CD48: variants seen among roughly 807,000 people sequenced by gnomAD.
The protein encoded by CD48 is CD48 antigen.
Under a neutral mutation model 22.0 loss-of-function variants are expected in CD48, and 20 were observed. The ratio of observed to expected loss-of-function variants is 0.91; its 90% confidence interval spans 0.64 to 1.32. The LOEUF is 1.32. Ranked by LOEUF, CD48 falls within the 40% of genes most tolerant of loss-of-function variation. The pLI, the probability that CD48 is intolerant of heterozygous loss-of-function variation, is 0.00. For missense variants in CD48, 307 were observed against 286.5 expected, an observed-to-expected ratio of 1.07 and a Z score of -0.52; for synonymous variants, 110 against 110.1, an observed-to-expected ratio of 1.00 and a Z score of 0.01.
At chr1:160,705,693 G>T (rs2102438979) in intron 1 of CD48, among the ~76,000 whole-genome samples, 1 of 152,214 alleles carries the variant, frequency 6.6e-6, no homozygotes, top group South Asian at 2.1e-4. Context: ...TCTGTTAGTT[G>T]TTTCCACATG....
chr1:160,680,046 T>A (rs1158284723), intron 3 of CD48, among the ~76,000 whole-genome samples: 2 of 152,126 alleles, frequency 1.3e-5, no homozygotes, highest in African/African-American at 4.8e-5. Context: ...GTAGTCCACA[T>A]GTGGGAGTAG....
chr1:160,694,357 A>T (rs1016467928), intron 1 of CD48, among the ~76,000 whole-genome samples: 3 of 152,168 alleles, frequency 2.0e-5, no homozygotes, highest in African/African-American at 7.2e-5. Context: ...AGCTTGAAGG[A>T]TTGGTAGACA....
intron 3 of CD48, chr1:160,680,893 C>G (rs966383034): frequency 2.3e-5 from 33 of 1,406,138 alleles, no homozygotes; most frequent in Non-Finnish European, 3.0e-5. Flanking sequence ...TCAGTCTACT[C>G]TATGATGACC....
At chr1:160,679,202 G>A in intron 3 of CD48, 71 bp from the exon 4 acceptor site, 1 of 1,193,990 alleles carries the variant, frequency 8.4e-7, no homozygotes, top group Non-Finnish European at 1.3e-6. Context: ...AGGGGCAAGT[G>A]TACTGGACAC....
chr1:160,711,305 C>T (rs1040068619), intron 1 of CD48, among the ~76,000 whole-genome samples: 6 of 152,188 alleles, frequency 3.9e-5, no homozygotes, highest in Non-Finnish European at 5.9e-5. Context: ...TCAAAGAATG[C>T]CTAAGGGAGT....
chr1:160,701,203 A>G (rs1245179542), intron 1 of CD48, among the ~76,000 whole-genome samples: 1 of 86,124 alleles, frequency 1.2e-5, no homozygotes, highest in African/African-American at 4.2e-5. Context: ...ATCAATAACT[A>G]TGAGAGGCTA....
At position 160,681,129 on chromosome 1, in the gene CD48, C is replaced by A. The variant is rs190382630; in HGVS notation, c.652+73G>T. ...CACTGTGCAAGGAGGCTGAATAGGA[C>A]CCCCAGCCTTTCTTTGTTCAAAACA... On this transcript the variant is annotated intron_variant, in intron 3 of 3. Transcript: ENST00000368046. The A allele has an allele frequency of 9.7e-3, 14,592 of 1,501,158 alleles. 85 individuals carry two copies. Among genetic ancestry groups the A allele is most frequent in the Middle Eastern group, 0.02 (108 of 5,302 alleles). The allele number at this position is 1,501,158 out of a possible 1,614,324, so 93.0% of individuals were successfully genotyped here.
intron 1 of CD48, among the ~76,000 whole-genome samples, chr1:160,694,340 G>T (rs1272750836): frequency 6.6e-6 from 1 of 152,146 alleles, no homozygotes; most frequent in African/African-American, 2.4e-5. Context: ...CGTTATTCAA[G>T]GAAAACAGCT....
chr1:160,679,028 T>A lies in CD48; in HGVS notation c.*24A>T. ...GGCAAGATCTTCTGGCCTTGAAGTT[T>A]CGCTTGAGTTAAAAGAGCTCATCTC... On this transcript the variant is annotated 3_prime_UTR_variant, in exon 4 of 4. Transcript: ENST00000368046. 6.3e-7 allele frequency: 1 copy of A among 1,589,926 alleles called. No homozygotes were observed. Among genetic ancestry groups the A allele is most frequent in the Non-Finnish European group, 8.6e-7 (1 of 1,157,860 alleles).
chr1:160,707,834 C>T (rs1424334650), intron 1 of CD48, among the ~76,000 whole-genome samples: 3 of 152,148 alleles, frequency 2.0e-5, no homozygotes, highest in Admixed American at 2.0e-4. Context: ...ATCCACCCAT[C>T]CCTCCATGCA....
intron 1 of CD48, among the ~76,000 whole-genome samples, chr1:160,705,610 G>C (rs1466772662): frequency 6.6e-6 from 1 of 152,164 alleles, no homozygotes; most frequent in African/African-American, 2.4e-5. Flanking sequence ...CTGGCCTCTT[G>C]GAGCATACAG....
chr1:160,698,235 T>C (rs1378356832), intron 1 of CD48, among the ~76,000 whole-genome samples: 5 of 152,178 alleles, frequency 3.3e-5, no homozygotes, highest in Non-Finnish European at 7.3e-5. Flanking sequence ...TTTACTTGCA[T>C]TGATTCAACT....
intron 1 of CD48, among the ~76,000 whole-genome samples, chr1:160,709,353 A>G (rs1558040963): frequency 6.6e-6 from 1 of 152,138 alleles, no homozygotes; most frequent in Admixed American, 6.6e-5. Context: ...GCAATTGCAC[A>G]TTTTTTATTT....
intron 2 of CD48, chr1:160,684,109 A>T (rs1030450320): frequency 6.6e-6 from 1 of 152,250 alleles, no homozygotes; most frequent in Admixed American, 6.5e-5. Context: ...GGCACAGTCC[A>T]CAGATTCCTG....
At chr1:160,704,905 G>A (rs754796144) in intron 1 of CD48, among the ~76,000 whole-genome samples, 5 of 152,128 alleles carry the variant, frequency 3.3e-5, no homozygotes, top group African/African-American at 4.8e-5. Flanking sequence ...CAAGATGAAG[G>A]GAGGTCCATT....
intron 1 of CD48, chr1:160,686,583 A>T (rs769737180): frequency 1.3e-5 from 2 of 152,196 alleles, no homozygotes; most frequent in Middle Eastern, 3.1e-3. Context: ...TGATATTCAC[A>T]TAGGTTCTTT....
rs901068431 is a variant in CD48 at position 160,694,447 on chromosome 1, C to A, written c.83-9258G>T. ...AACAAAAGACTGTTACAGGACTTGT[C>A]GGCATAGTCACAGCCTCAGAAGTGT... On this transcript the variant is annotated intron_variant, in intron 1 of 3. Transcript: ENST00000368046. Among the ~76,000 whole-genome samples, 9 of 151,186 alleles carry A rather than the reference C, an allele frequency of 6.0e-5. No individual in the cohort carries two copies. The East Asian group carries it at 1.7e-3, about 29-fold the overall frequency.
chr1:160,679,230 G>T, intron 3 of CD48, 99 bp from the exon 4 acceptor site: 1 of 885,526 alleles, frequency 1.1e-6, no homozygotes, highest in Non-Finnish European at 1.8e-6. Flanking sequence ...GGAGCTCACA[G>T]AGCAGGGAAA....
At chr1:160,706,752 T>G (rs78819120) in intron 1 of CD48, among the ~76,000 whole-genome samples, 3,968 of 152,248 alleles carry the variant, frequency 0.026, 163 homozygotes, top group African/African-American at 0.089. Flanking sequence ...CCAGATCCTG[T>G]CTGTGCCCGC....
Sources: allele counts gnomAD v4.1 joint callset (sites outside exome capture counted in the v4.1 genomes callset), GRCh38; gene constraint gnomAD v4.1.1; transcripts MANE v1.5; gene names NCBI Gene and HGNC (gene_info 2026-07-23, HGNC 2026-07-21).